SYT9: variants seen among roughly 807,000 people sequenced by gnomAD.
SYT9 encodes synaptotagmin 9.
Under a neutral mutation model 48.4 loss-of-function variants are expected in SYT9, and 22 were observed. That is an observed-to-expected ratio of 0.45 (90% confidence interval 0.32 to 0.65). The LOEUF (loss-of-function observed/expected upper bound fraction) is 0.65, where lower values mean the gene tolerates loss of function less well. SYT9 is among the 30% of genes least tolerant of loss of function. The probability of loss-of-function intolerance (pLI) is 0.03; values close to 1 mark genes in which losing one functional copy is unlikely to be tolerated. For synonymous variants in SYT9, 265 were observed against 245.0 expected, an observed-to-expected ratio of 1.08 and a Z score of -0.76; for missense variants, 577 against 622.0, an observed-to-expected ratio of 0.93 and a Z score of 0.77.
At chr11:7,322,297 T>C (rs770654775) in intron 3 of SYT9, among the ~76,000 whole-genome samples, 1 of 152,008 alleles carries the variant, frequency 6.6e-6, no homozygotes, top group Non-Finnish European at 1.5e-5. Context: ...GTGCTGAAAA[T>C]GCAAAAAGGA....
chr11:7,360,762 T>A (rs1589971751), intron 3 of SYT9, among the ~76,000 whole-genome samples: 1 of 152,350 alleles, frequency 6.6e-6, no homozygotes, highest in South Asian at 2.1e-4. Context: ...ATAAAATGAA[T>A]TGGAAAAATT....
intron 3 of SYT9, among the ~76,000 whole-genome samples, chr11:7,316,067 G>GT (rs113637653): frequency 0.011 from 1,666 of 149,656 alleles, 34 homozygotes; most frequent in African/African-American, 0.037. Flanking sequence ...GGGGTTGTGG[G>GT]GTTTTTTTTT....
At chr11:7,373,338 T>A (rs141752521) in intron 3 of SYT9, among the ~76,000 whole-genome samples, 1 of 152,304 alleles carries the variant, frequency 6.6e-6, no homozygotes, top group East Asian at 1.9e-4. Context: ...TTTTAATACA[T>A]CAGCTACACG....
At chr11:7,392,752 C>T (rs1846655349) in intron 3 of SYT9, among the ~76,000 whole-genome samples, 1 of 152,026 alleles carries the variant, frequency 6.6e-6, no homozygotes, top group Non-Finnish European at 1.5e-5. Context: ...AATATTTTTT[C>T]ATTTGTACTG....
intron 3 of SYT9, among the ~76,000 whole-genome samples, chr11:7,389,301 G>T (rs966428243): frequency 1.3e-5 from 2 of 152,074 alleles, no homozygotes; most frequent in African/African-American, 4.8e-5. Context: ...TGAGGAGACT[G>T]GGGTATCAAA....
At chr11:7,348,868 C>G (rs1849854204) in intron 3 of SYT9, among the ~76,000 whole-genome samples, 1 of 151,816 alleles carries the variant, frequency 6.6e-6, no homozygotes, top group Non-Finnish European at 1.5e-5. Context: ...TCCATTCTAG[C>G]AGTTACAGAA....
chr11:7,348,493 G>C (rs965646348), intron 3 of SYT9, among the ~76,000 whole-genome samples: 2 of 152,030 alleles, frequency 1.3e-5, no homozygotes, highest in East Asian at 3.9e-4. Context: ...AAAGAATATT[G>C]CTTCACGTTT....
At chr11:7,269,297 C>T (rs2133883964) in intron 1 of SYT9, among the ~76,000 whole-genome samples, 1 of 152,030 alleles carries the variant, frequency 6.6e-6, no homozygotes, top group South Asian at 2.1e-4. Flanking sequence ...TATGCCTGCT[C>T]CTGAAATTTT....
chr11:7,467,779 T>C lies in SYT9; in HGVS notation c.*979T>C, dbSNP rs553880435. ...CTGAATGCCTTCTGGGGTATTTCCATATGCAACAGCCCAGAGTCATAGCCT... is the reference window on the plus strand; with the variant it reads ...CTGAATGCCTTCTGGGGTATTTCCACATGCAACAGCCCAGAGTCATAGCCT... On this transcript the variant is annotated 3_prime_UTR_variant, in exon 7 of 7. Coordinates refer to ENST00000318881, the MANE Select transcript of SYT9 (RefSeq NM_175733.4). 2.0e-5 allele frequency: 3 copies of C among 152,752 alleles called. No homozygotes were observed. The highest frequency in any genetic ancestry group is 7.2e-5 in the African/African-American group (3 of 41,468). The allele number at this position is 152,752 out of a possible 1,614,324, so 9.5% of individuals were successfully genotyped here.
At chr11:7,403,144 T>C (rs749283664) in intron 3 of SYT9, among the ~76,000 whole-genome samples, 2 of 152,206 alleles carry the variant, frequency 1.3e-5, no homozygotes, top group African/African-American at 4.8e-5. Context: ...GCTGTAAATT[T>C]CCCTGTAAAT....
intron 3 of SYT9, among the ~76,000 whole-genome samples, chr11:7,375,212 A>G (rs563244063): frequency 5.5e-4 from 83 of 152,282 alleles, no homozygotes; most frequent in African/African-American, 1.9e-3. Context: ...CAGATTTGTC[A>G]AAGATCAGAT....
At chr11:7,416,861 A>AT (rs1847261176) in intron 4 of SYT9, among the ~76,000 whole-genome samples, 2 of 152,188 alleles carry the variant, frequency 1.3e-5, no homozygotes, top group Admixed American at 1.3e-4. Context: ...GATAAAGCTT[A>AT]TCTAATTGGG....
intron 6 of SYT9, chr11:7,438,019 CAG>C (rs1490926505): frequency 6.6e-6 from 1 of 152,186 alleles, no homozygotes; most frequent in Non-Finnish European, 1.5e-5. Flanking sequence ...GTGCTGTGGA[CAG>C]AGAGATGTAG....
intron 6 of SYT9, among the ~76,000 whole-genome samples, chr11:7,445,848 C>T (rs1215152491): frequency 6.6e-6 from 1 of 152,218 alleles, no homozygotes; most frequent in African/African-American, 2.4e-5. Flanking sequence ...CAGTGGGGCC[C>T]TGAGGAAGTC....
chr11:7,345,600 G>T (rs1013129676), intron 3 of SYT9, among the ~76,000 whole-genome samples: 2 of 152,058 alleles, frequency 1.3e-5, no homozygotes, highest in Non-Finnish European at 2.9e-5. Context: ...GCTGTATTCT[G>T]GTATAAGTAA....
chr11:7,243,968 T>G (rs1033694393), intron 1 of SYT9, among the ~76,000 whole-genome samples: 37 of 151,790 alleles, frequency 2.4e-4, no homozygotes, highest in African/African-American at 8.7e-4. Context: ...AATTCATCTG[T>G]TGGTGGAGGG....
chr11:7,351,227 C>T (rs748145631), intron 3 of SYT9, among the ~76,000 whole-genome samples: 19 of 152,168 alleles, frequency 1.2e-4, no homozygotes, highest in Non-Finnish European at 2.1e-4. Context: ...GTAATTCCCT[C>T]GGTCTTTATA....
chr11:7,249,490 T>C (rs1388821938), upstream of SYT9, among the ~76,000 whole-genome samples: 1 of 152,224 alleles, frequency 6.6e-6, no homozygotes, highest in Non-Finnish European at 1.5e-5. Flanking sequence ...GTCTACCAAT[T>C]TGTCCTTGAA....
intron 1 of SYT9, among the ~76,000 whole-genome samples, chr11:7,292,644 C>T (rs1466055255): frequency 6.6e-6 from 1 of 152,176 alleles, no homozygotes; most frequent in Non-Finnish European, 1.5e-5. Context: ...TTTTGAGTTT[C>T]GTTTCACAGT....
Sources: allele counts gnomAD v4.1 joint callset (sites outside exome capture counted in the v4.1 genomes callset), GRCh38; gene constraint gnomAD v4.1.1; transcripts MANE v1.5; gene names NCBI Gene and HGNC (gene_info 2026-07-23, HGNC 2026-07-21).